Variants in SHROOM3 observed in about 807,000 individuals in gnomAD.
SHROOM3 encodes protein Shroom3.
A neutral mutation model predicts 138.6 loss-of-function variants in SHROOM3; 47 were observed. The observed-to-expected ratio is 0.34, with a 90% CI of 0.27 to 0.43. The LOEUF (loss-of-function observed/expected upper bound fraction) is 0.43, where lower values mean the gene tolerates loss of function less well. SHROOM3 is among the 20% of genes least tolerant of loss of function. SHROOM3 has a pLI of 1.00. For synonymous variants in SHROOM3, 1,062 were observed against 1,063.3 expected (o/e 1.00, Z 0.02); for missense variants, 2,491 against 2,596.5 (o/e 0.96, Z 0.88).
At chr4:76,630,670 G>A (rs1735289956) in intron 2 of SHROOM3, among the ~76,000 whole-genome samples, 1 of 152,164 alleles carries the variant, frequency 6.6e-6, no homozygotes, top group African/African-American at 2.4e-5. Flanking sequence ...GTTAGACTAG[G>A]AAACTTAAGG....
chr4:76,485,694 C>T (rs1163261642), intron 1 of SHROOM3, among the ~76,000 whole-genome samples: 1 of 152,092 alleles, frequency 6.6e-6, no homozygotes, highest in Non-Finnish European at 1.5e-5. Flanking sequence ...TATGTATCGC[C>T]TCTTTGTCCT....
At chr4:76,605,193 T>C (rs1416158221) in intron 2 of SHROOM3, among the ~76,000 whole-genome samples, 3 of 152,188 alleles carry the variant, frequency 2.0e-5, no homozygotes, top group Admixed American at 2.0e-4. Flanking sequence ...TCATGATGAC[T>C]TCAATGTTGT....
chr4:76,521,922 T>C (rs1171078093), intron 1 of SHROOM3, among the ~76,000 whole-genome samples: 1 of 152,224 alleles, frequency 6.6e-6, no homozygotes, highest in African/African-American at 2.4e-5. Flanking sequence ...CCTGATATGA[T>C]GCACTGGCAA....
At chr4:76,572,740 A>G (rs949341286) in intron 2 of SHROOM3, among the ~76,000 whole-genome samples, 1 of 152,146 alleles carries the variant, frequency 6.6e-6, no homozygotes, top group Non-Finnish European at 1.5e-5. Context: ...GTGGGTAGGA[A>G]GAGATTTATT....
chr4:76,565,727 G>A (rs7696501), intron 2 of SHROOM3, among the ~76,000 whole-genome samples: 139,957 of 152,168 alleles, frequency 0.92, 64,430 homozygotes, highest in Middle Eastern at 0.95. Flanking sequence ...GGACCTCCCA[G>A]AGTATTGGGA....
At chr4:76,502,562 A>G (rs1249635810) in intron 1 of SHROOM3, among the ~76,000 whole-genome samples, 2 of 152,238 alleles carry the variant, frequency 1.3e-5, no homozygotes, top group African/African-American at 4.8e-5. Context: ...AGAATCTGCC[A>G]GAGAATTGCT....
At chr4:76,710,419 G>A (rs1163457039) in intron 3 of SHROOM3, 132 bp downstream of exon 3, 6 of 1,063,306 alleles carry the variant, frequency 5.6e-6, no homozygotes, top group Non-Finnish European at 7.0e-6. Context: ...GTAAGAGGCA[G>A]AACAAGGAGG....
chr4:76,664,277 A>T lies in SHROOM3; in HGVS notation c.324-45879A>T, dbSNP rs181182091. ...AAACATCTGATATTTGTGAAGTCAA[A>T]GAGTTTGCCTAGAAAAGCCACTTTC... On this transcript the variant is annotated intron_variant, in intron 2 of 10. Transcript: ENST00000296043. This position sits in a 1 kb window ranked among gnomAD's most constrained non-coding sequence, Gnocchi z 4.2. Among the ~76,000 whole-genome samples the T allele has an allele frequency of 6.6e-6, 1 of 152,366 alleles. No homozygotes were observed. The highest frequency in any genetic ancestry group is 1.5e-5 in the Non-Finnish European group (1 of 68,040).
At chr4:76,733,232 G>A (rs1720933352) in intron 4 of SHROOM3, among the ~76,000 whole-genome samples, 1 of 152,150 alleles carries the variant, frequency 6.6e-6, no homozygotes, top group Non-Finnish European at 1.5e-5. Context: ...AGGCCTCAGG[G>A]GAATGGGGCC....
chr4:76,586,564 G>A, intron 2 of SHROOM3: 1 of 839,414 alleles, frequency 1.2e-6, no homozygotes, highest in Non-Finnish European at 1.4e-6. Context: ...CTAAAGAGAG[G>A]TAGGGAAGTT....
intron 6 of SHROOM3, among the ~76,000 whole-genome samples, chr4:76,751,226 A>G (rs1721613293): frequency 6.6e-6 from 1 of 152,228 alleles, no homozygotes; most frequent in Admixed American, 6.5e-5. Context: ...TACGAAGACA[A>G]GAGTCACATC....
intron 2 of SHROOM3, among the ~76,000 whole-genome samples, chr4:76,596,429 G>T (rs1295823957): frequency 6.6e-6 from 1 of 152,086 alleles, no homozygotes; most frequent in Non-Finnish European, 1.5e-5. Flanking sequence ...AAAAGCAAAA[G>T]ATGTTGTGTA....
chr4:76,761,044 TTTTA>T (rs1721972480), intron 9 of SHROOM3, among the ~76,000 whole-genome samples: 1 of 152,160 alleles, frequency 6.6e-6, no homozygotes, highest in South Asian at 2.1e-4. Flanking sequence ...TTTTTCTAAG[TTTTA>T]TTTTAGAATC....
At chr4:76,662,822 C>A (rs1718571764) in intron 2 of SHROOM3, among the ~76,000 whole-genome samples, 1 of 151,932 alleles carries the variant, frequency 6.6e-6, no homozygotes, top group Non-Finnish European at 1.5e-5. Context: ...TTCGAGGCTG[C>A]AGTAGGCTGT....
At chr4:76,631,726 G>A (rs1405131282) in intron 2 of SHROOM3, among the ~76,000 whole-genome samples, 4 of 152,210 alleles carry the variant, frequency 2.6e-5, no homozygotes, top group East Asian at 1.9e-4. Flanking sequence ...AGTATAGCAC[G>A]AGGCTACTGG....
intron 2 of SHROOM3, among the ~76,000 whole-genome samples, chr4:76,633,434 A>T (rs1272211561): frequency 2.0e-5 from 3 of 151,626 alleles, no homozygotes; most frequent in Non-Finnish European, 4.4e-5. Context: ...AGGCAGGCGG[A>T]TCACGAGGTC....
rs34800196 is a variant in SHROOM3 at position 76,643,211 on chromosome 4, CAAAA to C, written c.324-66929_324-66926del. Among the ~76,000 whole-genome samples the C allele has an allele frequency of 5.2e-3, 647 of 125,122 alleles. 4 individuals carry two copies. Among genetic ancestry groups the C allele is most frequent in the Non-Finnish European group, 7.5e-3 (449 of 59,616 alleles). The allele number at this position is 125,122 out of a possible 152,430, so 82.1% of individuals were successfully genotyped here. A position where few individuals can be genotyped will look rare whatever the true frequency, so the allele number is the denominator to read the frequency against. On this transcript the variant is annotated intron_variant, in intron 2 of 10. Transcript: ENST00000296043. ...CGTGCCATTTTTTGAGATGCTGTCTCAAAAAAAAAAAAAAAAAAAGAATGATGGC... is the reference window on the plus strand; with the variant it reads ...CGTGCCATTTTTTGAGATGCTGTCTCAAAAAAAAAAAAAAAGAATGATGGC...
Position 76,435,926 on chromosome 4 carries a change from C to G in SHROOM3, c.-127C>G, listed in dbSNP as rs1730553038. 1 of 933,152 alleles carries G rather than the reference C, an allele frequency of 1.1e-6. No individual in the cohort carries two copies. The highest frequency in any genetic ancestry group is 1.6e-6 in the Non-Finnish European group (1 of 628,246). The allele number at this position is 933,152 out of a possible 1,614,324, so 57.8% of individuals were successfully genotyped here. On this transcript the variant is annotated 5_prime_UTR_variant, in exon 1 of 11. Transcript: ENST00000296043. ...AACATTTTACGTATGGAAGAATTTG[C>G]TTCTCCAAACCTCTCTTTTGGCCAT...
At chr4:76,673,471 T>C (rs891861122) in intron 2 of SHROOM3, among the ~76,000 whole-genome samples, 1 of 152,204 alleles carries the variant, frequency 6.6e-6, no homozygotes, top group African/African-American at 2.4e-5. Context: ...TTTCTGTTTT[T>C]TGTCCTTTTT....
Sources: gnomAD v4.1 joint callset for allele counts (sites outside exome capture counted in the v4.1 genomes callset) on GRCh38, gnomAD v4.1.1 for gene constraint, Gnocchi (gnomAD v3.1) non-coding constraint, MANE v1.5 for transcripts, NCBI Gene and HGNC (gene_info 2026-07-23, HGNC 2026-07-21) for gene names.